The following RALGPS1 variants were observed in gnomAD, a reference collection of about 807,000 sequenced individuals.
The protein encoded by RALGPS1 is Ral GEF with PH domain and SH3 binding motif 1.
In RALGPS1, 19 loss-of-function variants were observed where a neutral mutation model predicts 78.8. The ratio of observed to expected loss-of-function variants is 0.24; its 90% CI spans 0.17 to 0.35. RALGPS1 has a LOEUF of 0.35. RALGPS1 is among the 10% of genes least tolerant of loss of function. The pLI is 1.00. For synonymous variants in RALGPS1, 228 were observed against 256.3 expected, an observed-to-expected ratio of 0.89 and a Z score of 1.06; for missense variants, 454 against 688.3, an observed-to-expected ratio of 0.66 and a Z score of 3.81.
At position 126,940,441 on chromosome 9, in the gene RALGPS1, A is replaced by ATTTTT. The variant is rs56123533; in HGVS notation, c.-65-21772_-65-21768dup. ...TTGGGCAGGTGTATGTATATATATA[A>ATTTTT]TTTTTTTTTTTTTTTTGAGATGGAG... On this transcript the variant is annotated intron_variant, in intron 1 of 18. Coordinates refer to ENST00000259351, the MANE Select transcript of RALGPS1 (RefSeq NM_014636.3). Among the ~76,000 whole-genome samples, 112 of 134,812 alleles carry ATTTTT rather than the reference A, an allele frequency of 8.3e-4. No individual in the cohort carries two copies. The East Asian group carries it at 9.8e-3, about 12-fold the overall frequency. The allele number at this position is 134,812 out of a possible 152,430, so 88.4% of individuals were successfully genotyped here. A position where few individuals can be genotyped will look rare whatever the true frequency, so the allele number is the denominator to read the frequency against.
In RALGPS1 at chr9:127,155,893, T is replaced by C. The variant is rs1029989900; in HGVS notation, c.611-10176T>C. On this transcript the variant is annotated intron_variant, in intron 8 of 18. Coordinates refer to ENST00000259351, the MANE Select transcript of RALGPS1 (RefSeq NM_014636.3). ...TAATAGAAAGAGAAAGAAAGAAATA[T>C]CTTGCTTTTTTTTTTTTTACTTCTA... is the stretch of plus-strand genomic sequence containing the variant. 1.1e-4 allele frequency among the ~76,000 whole-genome samples: 11 copies of C among 103,318 alleles called. No individual in the cohort carries two copies. The East Asian group carries it at 3.4e-3, about 32-fold the overall frequency. The allele number at this position is 103,318 out of a possible 152,430, so 67.8% of individuals were successfully genotyped here. A position where few individuals can be genotyped will look rare whatever the true frequency, so the allele number is the denominator to read the frequency against.
At chr9:126,955,677 T>G (rs977667696) in intron 1 of RALGPS1, among the ~76,000 whole-genome samples, 1 of 152,184 alleles carries the variant, frequency 6.6e-6, no homozygotes, top group African/African-American at 2.4e-5. Context: ...TTAAAAACAT[T>G]TCTATGAGAA....
intron 11 of RALGPS1, among the ~76,000 whole-genome samples, chr9:127,186,704 C>A (rs2060671654): frequency 6.6e-6 from 1 of 152,186 alleles, no homozygotes; most frequent in South Asian, 2.1e-4. Flanking sequence ...GAGCTGAGAC[C>A]CAGAGCAGGG....
chr9:126,947,556 T>A (rs2037397255), intron 1 of RALGPS1, among the ~76,000 whole-genome samples: 1 of 152,144 alleles, frequency 6.6e-6, no homozygotes, highest in Admixed American at 6.5e-5. Context: ...GTAGCATGAT[T>A]CTCCCCAGAG....
chr9:127,104,797 A>G (rs986245903), intron 8 of RALGPS1, among the ~76,000 whole-genome samples: 1 of 152,232 alleles, frequency 6.6e-6, no homozygotes, highest in Non-Finnish European at 1.5e-5. Flanking sequence ...AAGGTTTGGA[A>G]GCTGCCAAGG....
intron 1 of RALGPS1, among the ~76,000 whole-genome samples, chr9:126,921,032 A>G (rs2119649960): frequency 6.6e-6 from 1 of 152,234 alleles, no homozygotes; most frequent in East Asian, 1.9e-4. Context: ...TGAAGATTTC[A>G]GTGAAATAAT....
chr9:127,020,097 T>C (rs1166754648), intron 4 of RALGPS1, among the ~76,000 whole-genome samples: 1 of 152,180 alleles, frequency 6.6e-6, no homozygotes, highest in Non-Finnish European at 1.5e-5. Flanking sequence ...GATTTTTTTT[T>C]CCGTCACTTT....
intron 2 of RALGPS1, 53 bp downstream of exon 2, chr9:126,962,399 A>G: frequency 6.3e-7 from 1 of 1,577,316 alleles, no homozygotes; most frequent in Non-Finnish European, 8.7e-7. Context: ...CCTTTCAGCT[A>G]ACCCAGGCCC....
At chr9:127,170,417 T>C (rs1196997553) in intron 10 of RALGPS1, among the ~76,000 whole-genome samples, 3 of 152,220 alleles carry the variant, frequency 2.0e-5, no homozygotes, top group East Asian at 3.8e-4. Flanking sequence ...AGTTGTTTTA[T>C]ATAATAATTT....
intron 8 of RALGPS1, chr9:127,089,183 T>A: frequency 6.3e-7 from 1 of 1,599,414 alleles, no homozygotes; most frequent in Non-Finnish European, 8.6e-7. Context: ...AGGAGGCCAT[T>A]CTACTTGCGT....
intron 1 of RALGPS1, among the ~76,000 whole-genome samples, chr9:126,951,859 A>G (rs934235184): frequency 2.6e-5 from 4 of 152,338 alleles, no homozygotes; most frequent in African/African-American, 9.6e-5. Flanking sequence ...GTATTCAATT[A>G]GGAAAAGAGG....
chr9:126,929,412 A>G (rs902969736), intron 1 of RALGPS1, among the ~76,000 whole-genome samples: 86 of 152,326 alleles, frequency 5.6e-4, no homozygotes, highest in African/African-American at 2.0e-3. Context: ...GGTGATGAGG[A>G]CAAAATAACC....
intron 3 of RALGPS1, among the ~76,000 whole-genome samples, chr9:126,975,913 C>T (rs1364457047): frequency 6.6e-6 from 1 of 152,180 alleles, no homozygotes; most frequent in Non-Finnish European, 1.5e-5. Flanking sequence ...GGCAGCATCT[C>T]ACCCGTTTCC....
chr9:126,945,510 T>C (rs897517671), intron 1 of RALGPS1, among the ~76,000 whole-genome samples: 7 of 152,178 alleles, frequency 4.6e-5, no homozygotes, highest in Admixed American at 1.3e-4. Flanking sequence ...CTCTTGCATT[T>C]TTAATATTTT....
intron 4 of RALGPS1, among the ~76,000 whole-genome samples, chr9:127,021,497 CAAA>C (rs397690141): frequency 8.8e-6 from 1 of 113,572 alleles, no homozygotes. Flanking sequence ...GACTCTGTCT[CAAA>C]AAAAAAAAAA....
chr9:127,194,780 A>G (rs1488105829), intron 11 of RALGPS1, among the ~76,000 whole-genome samples: 1 of 152,188 alleles, frequency 6.6e-6, no homozygotes, highest in Non-Finnish European at 1.5e-5. Flanking sequence ...AAGTCATGCC[A>G]TGGTGAAGCA....
chr9:127,132,449 T>C (rs535611843), intron 8 of RALGPS1, among the ~76,000 whole-genome samples: 6 of 152,358 alleles, frequency 3.9e-5, no homozygotes, highest in African/African-American at 1.4e-4. Context: ...CTGCTTCGCC[T>C]TGGAATTTTA....
intron 1 of RALGPS1, among the ~76,000 whole-genome samples, chr9:126,946,423 A>G (rs908879489): frequency 1.1e-4 from 16 of 150,756 alleles, no homozygotes; most frequent in African/African-American, 3.4e-4. Flanking sequence ...AATCCCAGCT[A>G]CTTGGGAGGC....
At chr9:126,968,268 T>G (rs2039738275) in intron 3 of RALGPS1, among the ~76,000 whole-genome samples, 1 of 152,152 alleles carries the variant, frequency 6.6e-6, no homozygotes, top group Non-Finnish European at 1.5e-5. Context: ...CCCATAGTGC[T>G]GGTTGGGATT....
Sources: allele counts gnomAD v4.1 joint callset (sites outside exome capture counted in the v4.1 genomes callset), GRCh38; gene constraint gnomAD v4.1.1; transcripts MANE v1.5; gene names NCBI Gene and HGNC (gene_info 2026-07-23, HGNC 2026-07-21).